The following NAALADL2 variants were observed in gnomAD, a reference collection of about 807,000 sequenced individuals.
The protein encoded by NAALADL2 is N-acetylated alpha-linked acidic dipeptidase like 2.
Under a neutral mutation model 87.2 loss-of-function variants are expected in NAALADL2, and 76 were observed. The ratio of observed to expected loss-of-function variants is 0.87; its 90% confidence interval spans 0.72 to 1.05. NAALADL2 has a LOEUF of 1.05. NAALADL2 is among the 50% of genes least tolerant of loss of function. The probability of loss-of-function intolerance (pLI) is 0.00; values close to 1 mark genes in which losing one functional copy is unlikely to be tolerated. For missense variants in NAALADL2, 1,089 were observed against 945.8 expected (o/e 1.15, Z -1.99); for synonymous variants, 354 against 331.0 (o/e 1.07, Z -0.75).
intron 1 of NAALADL2, among the ~76,000 whole-genome samples, chr3:174,934,532 C>T (rs1250962928): frequency 6.6e-6 from 1 of 151,864 alleles, no homozygotes; most frequent in Admixed American, 6.6e-5. Context: ...CAACCATGTG[C>T]CGAGCGCGGT....
chr3:175,475,998 C>T (rs1177247181), intron 9 of NAALADL2, among the ~76,000 whole-genome samples: 2 of 152,160 alleles, frequency 1.3e-5, no homozygotes, highest in African/African-American at 2.4e-5. Flanking sequence ...GCTGGGATTA[C>T]GGCCATGAGC....
At chr3:174,451,087 A>G (rs1419719351) in intron 1 of NAALADL2, among the ~76,000 whole-genome samples, 1 of 152,148 alleles carries the variant, frequency 6.6e-6, no homozygotes, top group African/African-American at 2.4e-5. Flanking sequence ...CAAAAACTGC[A>G]ATTGTGTTTG....
Position 174,595,637 on chromosome 3 carries a change from T to A in NAALADL2, c.-115+45000T>A, listed in dbSNP as rs774871005. 5.8e-4 allele frequency among the ~76,000 whole-genome samples: 89 copies of A among 152,182 alleles called. 1 individual carries two copies. Among genetic ancestry groups the A allele is most frequent in the Non-Finnish European group, 1.5e-4 (10 of 68,040 alleles). On this transcript the variant is annotated intron_variant, in intron 2 of 3. Coordinates refer to the NAALADL2 transcript ENST00000434257. The stretch of plus-strand genomic sequence containing the variant: ...GAAAAGAGGTTACTGGTTATCCCCT[T>A]TCTTTCCACTATAAATTGGCAGCTT...
In NAALADL2 at chr3:174,988,270, T is replaced by A. The variant is rs541510750; in HGVS notation, c.44-108520T>A. 9.2e-5 allele frequency among the ~76,000 whole-genome samples: 14 copies of A among 152,302 alleles called. No individual in the cohort carries two copies. The South Asian group carries it at 2.7e-3, about 29-fold the overall frequency. ...ACAGTTGAAGTAACTAACATCCAGTTAAGCTTTAATTTACCCAGGTACCTG... is the reference window on the plus strand; with the variant it reads ...ACAGTTGAAGTAACTAACATCCAGTAAAGCTTTAATTTACCCAGGTACCTG... On this transcript the variant is annotated intron_variant, in intron 1 of 13. Transcript: ENST00000454872.
At chr3:174,847,798 G>A (rs1341852785) in intron 3 of NAALADL2, among the ~76,000 whole-genome samples, 2 of 123,080 alleles carry the variant, frequency 1.6e-5, no homozygotes, top group Non-Finnish European at 3.5e-5. Flanking sequence ...ATCAGAGTAT[G>A]TATTTGAAAA....
intron 10 of NAALADL2, among the ~76,000 whole-genome samples, chr3:175,585,971 CTAATT>C (rs1560803039): frequency 6.6e-6 from 1 of 151,964 alleles, no homozygotes; most frequent in East Asian, 1.9e-4. Flanking sequence ...ATTTTGGAAA[CTAATT>C]TAGATGATTT....
intron 2 of NAALADL2, chr3:175,124,456 G>T (rs1167958365): frequency 6.6e-6 from 1 of 151,928 alleles, no homozygotes; most frequent in South Asian, 2.1e-4. Context: ...AGGCATCTAA[G>T]CAGGAATAGG....
At chr3:175,508,375 C>A (rs76854613) in intron 9 of NAALADL2, among the ~76,000 whole-genome samples, 3,573 of 152,242 alleles carry the variant, frequency 0.023, 113 homozygotes, top group African/African-American at 0.08. Flanking sequence ...CTGAACCTCT[C>A]TTTTTAGTGC....
At chr3:175,425,478 A>G (rs1358206835) in intron 5 of NAALADL2, among the ~76,000 whole-genome samples, 2 of 152,148 alleles carry the variant, frequency 1.3e-5, no homozygotes, top group Non-Finnish European at 2.9e-5. Flanking sequence ...ATTTCTATTA[A>G]TGGAAAATAA....
intron 11 of NAALADL2, among the ~76,000 whole-genome samples, chr3:175,663,936 T>G (rs1474196571): frequency 1.3e-5 from 2 of 152,022 alleles, no homozygotes; most frequent in African/African-American, 4.8e-5. Flanking sequence ...TGTATTTTTG[T>G]GAGACAGTGA....
intron 1 of NAALADL2, among the ~76,000 whole-genome samples, chr3:174,933,418 C>T (rs964679333): frequency 6.6e-6 from 1 of 152,066 alleles, no homozygotes; most frequent in African/African-American, 2.4e-5. Flanking sequence ...CTTTATATGA[C>T]CTTGAGAACA....
chr3:174,584,946 T>C (rs1560072752), intron 2 of NAALADL2, among the ~76,000 whole-genome samples: 1 of 152,190 alleles, frequency 6.6e-6, no homozygotes, highest in Non-Finnish European at 1.5e-5. Flanking sequence ...CATGCTCTTT[T>C]ATAAATCTAA....
At chr3:174,671,356 C>G (rs1214834961) in intron 2 of NAALADL2, among the ~76,000 whole-genome samples, 1 of 151,984 alleles carries the variant, frequency 6.6e-6, no homozygotes, top group Non-Finnish European at 1.5e-5. Flanking sequence ...TTGTTGGGGT[C>G]CTAGTGAAAT....
At chr3:175,148,346 T>C (rs575680629) in intron 2 of NAALADL2, among the ~76,000 whole-genome samples, 1 of 152,076 alleles carries the variant, frequency 6.6e-6, no homozygotes, top group East Asian at 1.9e-4. Context: ...ATTAGATCTT[T>C]GTGGGATACT....
chr3:175,546,576 T>G (rs1339479439), intron 9 of NAALADL2, among the ~76,000 whole-genome samples: 1 of 152,112 alleles, frequency 6.6e-6, no homozygotes, highest in Non-Finnish European at 1.5e-5. Context: ...ATAAGGCATG[T>G]CTGGTGGTAA....
chr3:175,379,288 AG>A (rs1767514634), intron 5 of NAALADL2, among the ~76,000 whole-genome samples: 1 of 151,936 alleles, frequency 6.6e-6, no homozygotes, highest in African/African-American at 2.4e-5. Context: ...ATATATGCAA[AG>A]CACATAGGAC....
intron 6 of NAALADL2, 129 bp from the exon 7 acceptor site, chr3:175,463,272 C>T: frequency 1.7e-6 from 1 of 580,224 alleles, no homozygotes; most frequent in Non-Finnish European, 3.0e-6. Flanking sequence ...AAAAGTATAA[C>T]TGGCTATCTG....
chr3:174,521,164 C>T (rs1389929069), intron 1 of NAALADL2, among the ~76,000 whole-genome samples: 2 of 152,120 alleles, frequency 1.3e-5, no homozygotes, highest in Admixed American at 6.5e-5. Flanking sequence ...TGTTTATCTA[C>T]TTAGAAGAAA....
chr3:174,785,381 C>T (rs892970010), intron 3 of NAALADL2, among the ~76,000 whole-genome samples: 1 of 152,128 alleles, frequency 6.6e-6, no homozygotes, highest in Non-Finnish European at 1.5e-5. Context: ...TATCCCAGCA[C>T]CATTTATTAA....
Sources: allele counts gnomAD v4.1 joint callset (sites outside exome capture counted in the v4.1 genomes callset), GRCh38; gene constraint gnomAD v4.1.1; transcripts MANE v1.5; gene names NCBI Gene and HGNC (gene_info 2026-07-23, HGNC 2026-07-21).